The following CSMD1 variants were observed in gnomAD, a reference collection of about 807,000 sequenced individuals.
The protein encoded by CSMD1 is CUB and Sushi multiple domains 1, also known as CUB and sushi domain-containing protein 1.
CSMD1 carries 213 observed loss-of-function variants against 417.5 expected under a neutral mutation model. The ratio of observed to expected loss-of-function variants is 0.51; its 90% CI spans 0.46 to 0.57. The LOEUF (loss-of-function observed/expected upper bound fraction) is 0.57, where lower values mean the gene tolerates loss of function less well. CSMD1 is among the 20% of genes least tolerant of loss of function. The pLI is 0.00. For missense variants in CSMD1, 6,923 were observed against 4,529.7 expected (o/e 1.53, Z -15.17); for synonymous variants, 2,862 against 1,736.8 (o/e 1.65, Z -16.11).
chr8:4,746,595 C>T (rs1810969777), intron 1 of CSMD1, among the ~76,000 whole-genome samples: 1 of 152,174 alleles, frequency 6.6e-6, no homozygotes, highest in South Asian at 2.1e-4. Context: ...TTCTAGCGAG[C>T]ATGCATTTTG....
intron 10 of CSMD1, among the ~76,000 whole-genome samples, chr8:3,543,273 G>C (rs1251837829): frequency 1.3e-5 from 2 of 152,250 alleles, no homozygotes; most frequent in African/African-American, 4.8e-5. Context: ...ATGTTTTACA[G>C]AGGACATCGG....
intron 2 of CSMD1, among the ~76,000 whole-genome samples, chr8:4,433,598 G>T (rs1797990824): frequency 6.6e-6 from 1 of 152,180 alleles, no homozygotes; most frequent in East Asian, 1.9e-4. Context: ...CCTTAAAATG[G>T]GAAACGACAA....
At chr8:3,823,971 A>T (rs887138219) in intron 5 of CSMD1, among the ~76,000 whole-genome samples, 2 of 152,208 alleles carry the variant, frequency 1.3e-5, no homozygotes, top group African/African-American at 4.8e-5. Context: ...TTTAGTTTTC[A>T]AATAGTTCTG....
At chr8:4,365,607 A>G (rs937180299) in intron 3 of CSMD1, among the ~76,000 whole-genome samples, 5 of 152,140 alleles carry the variant, frequency 3.3e-5, no homozygotes, top group Admixed American at 1.3e-4. Context: ...CTGTCTTTGT[A>G]CTTGATTTGT....
chr8:4,023,157 C>T (rs1796873884), intron 4 of CSMD1, among the ~76,000 whole-genome samples: 1 of 152,166 alleles, frequency 6.6e-6, no homozygotes, highest in African/African-American at 2.4e-5. Flanking sequence ...CCCATCACAA[C>T]TCAAGTTCTT....
intron 1 of CSMD1, among the ~76,000 whole-genome samples, chr8:4,863,165 A>G (rs1161120727): frequency 6.6e-6 from 1 of 152,082 alleles, no homozygotes; most frequent in African/African-American, 2.4e-5. Context: ...AGAAATATGA[A>G]TTGACAAGGT....
intron 21 of CSMD1, among the ~76,000 whole-genome samples, chr8:3,356,104 T>C (rs1808768372): frequency 6.6e-6 from 1 of 152,174 alleles, no homozygotes; most frequent in South Asian, 2.1e-4. Context: ...GTCAGACACT[T>C]ATTAGGGAGG....
intron 28 of CSMD1, among the ~76,000 whole-genome samples, chr8:3,221,088 G>C (rs1367485111): frequency 6.6e-6 from 1 of 152,056 alleles, no homozygotes; most frequent in African/African-American, 2.4e-5. Flanking sequence ...ACTTGATCTG[G>C]AGATTCGGAT....
intron 5 of CSMD1, among the ~76,000 whole-genome samples, chr8:3,924,517 C>T (rs1021469145): frequency 6.6e-6 from 1 of 152,082 alleles, no homozygotes; most frequent in African/African-American, 2.4e-5. Flanking sequence ...TGATGGTTTC[C>T]CAGAAGCTCG....
At chr8:3,025,982 G>T (rs1212066289) in intron 51 of CSMD1, among the ~76,000 whole-genome samples, 1 of 152,122 alleles carries the variant, frequency 6.6e-6, no homozygotes, top group Non-Finnish European at 1.5e-5. Context: ...GAATTCGAAG[G>T]TGGTCCCTAC....
At chr8:3,038,028 G>C (rs983580014) in intron 50 of CSMD1, among the ~76,000 whole-genome samples, 1 of 152,030 alleles carries the variant, frequency 6.6e-6, no homozygotes, top group Non-Finnish European at 1.5e-5. Context: ...TCTCTGGCCC[G>C]GCTTTCTTAT....
intron 11 of CSMD1, among the ~76,000 whole-genome samples, chr8:3,490,692 C>T (rs920726769): frequency 6.6e-6 from 1 of 152,046 alleles, no homozygotes; most frequent in Non-Finnish European, 1.5e-5. Context: ...TAGCAAATAG[C>T]TGGAGCCAGA....
intron 5 of CSMD1, among the ~76,000 whole-genome samples, chr8:3,950,240 T>C (rs1454424050): frequency 3.3e-5 from 5 of 152,160 alleles, no homozygotes; most frequent in Admixed American, 6.5e-5. Flanking sequence ...GGAAGAATTA[T>C]GATGATGAAT....
intron 1 of CSMD1, among the ~76,000 whole-genome samples, chr8:4,838,976 T>A (rs1028358755): frequency 6.6e-6 from 1 of 152,232 alleles, no homozygotes; most frequent in African/African-American, 2.4e-5. Context: ...TTTTAAACAA[T>A]TACTTCTACC....
chr8:3,062,329 C>G (rs1812641911), intron 49 of CSMD1, among the ~76,000 whole-genome samples: 1 of 152,132 alleles, frequency 6.6e-6, no homozygotes, highest in South Asian at 2.1e-4. Context: ...GGAGCCACCT[C>G]TCCACCCACG....
intron 12 of CSMD1, among the ~76,000 whole-genome samples, chr8:3,464,617 C>T (rs1029079922): frequency 1.3e-5 from 2 of 149,066 alleles, no homozygotes; most frequent in Non-Finnish European, 3.0e-5. Flanking sequence ...ATAAATTATA[C>T]AATTATATAT....
intron 42 of CSMD1, among the ~76,000 whole-genome samples, chr8:3,112,148 T>C (rs1816558951): frequency 1.3e-5 from 2 of 151,818 alleles, no homozygotes; most frequent in African/African-American, 4.8e-5. Context: ...GCTACCTCCT[T>C]TCAAGAGTCC....
At chr8:3,460,061 G>C (rs1563059825) in intron 12 of CSMD1, among the ~76,000 whole-genome samples, 1 of 152,152 alleles carries the variant, frequency 6.6e-6, no homozygotes, top group Non-Finnish European at 1.5e-5. Context: ...AGAGGTCCTT[G>C]CATTCCCAGA....
At chr8:4,270,210 C>T (rs530136866) in intron 3 of CSMD1, among the ~76,000 whole-genome samples, 5 of 152,298 alleles carry the variant, frequency 3.3e-5, no homozygotes, top group South Asian at 2.1e-4. Context: ...GTGTTTCCTA[C>T]GGTGCAAATC....
Sources: gnomAD v4.1 joint callset for allele counts (sites outside exome capture counted in the v4.1 genomes callset) on GRCh38, gnomAD v4.1.1 for gene constraint, MANE v1.5 for transcripts, NCBI Gene and HGNC (gene_info 2026-07-23, HGNC 2026-07-21) for gene names.